RERE: variants seen among roughly 807,000 people sequenced by gnomAD.
RERE encodes arginine-glutamic acid dipeptide repeats protein.
A neutral mutation model predicts 146.1 loss-of-function variants in RERE; 40 were observed. That is an observed-to-expected ratio of 0.27 (90% CI 0.21 to 0.36). The LOEUF (loss-of-function observed/expected upper bound fraction) is 0.36. Among genes scored for constraint, RERE ranks in the 10% least tolerant of loss-of-function variants. The pLI, the probability that RERE is intolerant of heterozygous loss-of-function variation, is 1.00. For missense variants in RERE, 1,933 were observed against 2,138.7 expected, an observed-to-expected ratio of 0.90 and a Z score of 1.90; for synonymous variants, 1,003 against 866.0, an observed-to-expected ratio of 1.16 and a Z score of -2.78.
rs1361000101 is a variant in RERE at position 8,360,127 on chromosome 1, G to A, written c.3380C>T (p.Ala1127Val). The stretch of plus-strand genomic sequence containing the variant: ...GGAAGCGTACCTAGCTGACTGGCTG[G>A]CGTGACTGGGGGTGTCCACCACAGT... ...EPTVVDTPSH[A>V]SQSARFYKHL... Residue 1127 changes from alanine (A) to valine (V), a missense_variant, in exon 18 of 23, where the codon GCC becomes GTC. Ala to Val is a moderately conservative substitution (Grantham distance 64). Coordinates refer to ENST00000400908, the MANE Select transcript of RERE (RefSeq NM_001042681.2). The A allele has an allele frequency of 6.3e-7, 1 of 1,582,290 alleles. No individual in the cohort carries two copies. Among genetic ancestry groups the A allele is most frequent in the African/African-American group, 1.3e-5 (1 of 74,334 alleles).
intron 7 of RERE, among the ~76,000 whole-genome samples, chr1:8,530,679 C>CGTTTTCT (rs1374845884): frequency 1.0e-5 from 1 of 96,950 alleles, no homozygotes; most frequent in African/African-American, 4.0e-5. Flanking sequence ...TTTTCGTTTT[C>CGTTTTCT]TTTTTTTTTT....
intron 2 of RERE, among the ~76,000 whole-genome samples, chr1:8,638,879 T>C (rs905882544): frequency 6.7e-6 from 1 of 149,802 alleles, no homozygotes; most frequent in African/African-American, 2.5e-5. Context: ...GTTCATGCCA[T>C]TCTCTTGCCT....
intron 1 of RERE, among the ~76,000 whole-genome samples, chr1:8,766,436 A>T (rs1395816851): frequency 2.6e-5 from 4 of 151,240 alleles, no homozygotes; most frequent in Non-Finnish European, 5.9e-5. Flanking sequence ...GCTACTCAGG[A>T]GGCTGACGTG....
chr1:8,792,834 A>G (rs1450667475), intron 1 of RERE, among the ~76,000 whole-genome samples: 1 of 152,114 alleles, frequency 6.6e-6, no homozygotes, highest in Admixed American at 6.6e-5. Context: ...AGGTTTAAAG[A>G]AGCTGTGAGG....
intron 1 of RERE, among the ~76,000 whole-genome samples, chr1:8,747,103 G>A (rs1267472617): frequency 1.3e-5 from 2 of 151,930 alleles, no homozygotes; most frequent in African/African-American, 4.8e-5. Flanking sequence ...CCGGGTCCAC[G>A]CCATTCTCCT....
At chr1:8,586,732 T>C (rs1190018035) in intron 4 of RERE, among the ~76,000 whole-genome samples, 2 of 152,152 alleles carry the variant, frequency 1.3e-5, no homozygotes, top group African/African-American at 4.8e-5. Flanking sequence ...AAACATTCCA[T>C]AATTATGTGG....
intron 12 of RERE, among the ~76,000 whole-genome samples, chr1:8,379,926 T>C (rs1024081319): frequency 6.6e-6 from 1 of 152,184 alleles, no homozygotes; most frequent in Non-Finnish European, 1.5e-5. Context: ...GCAGCACGTA[T>C]GCCACAAACT....
intron 7 of RERE, among the ~76,000 whole-genome samples, chr1:8,514,784 A>C (rs542004656): frequency 6.6e-6 from 1 of 152,200 alleles, no homozygotes; most frequent in Admixed American, 6.5e-5. Flanking sequence ...AAAAGAAAAG[A>C]GAAATAATAA....
intron 1 of RERE, among the ~76,000 whole-genome samples, chr1:8,782,800 G>A (rs1419693695): frequency 6.6e-6 from 1 of 152,142 alleles, no homozygotes; most frequent in Non-Finnish European, 1.5e-5. Context: ...CAGCTACTCA[G>A]GAGGCCGAGG....
At chr1:8,445,498 T>A (rs563445131) in intron 11 of RERE, among the ~76,000 whole-genome samples, 20 of 152,282 alleles carry the variant, frequency 1.3e-4, no homozygotes, top group African/African-American at 4.8e-4. Flanking sequence ...TGGACTCTTT[T>A]TTACTTATTT....
At position 8,366,021 on chromosome 1, in the gene RERE, C is replaced by A. The variant is rs758661699; in HGVS notation, c.1285-47G>T. ...TGTGGGGGAGGGCCTGGGGCTTTTC[C>A]GTGCCCCACGCACCCTCTCTGCCAC... On this transcript the variant is annotated intron_variant, in intron 12 of 22. Transcript: ENST00000400908. 4 of 1,582,636 alleles carry A rather than the reference C, an allele frequency of 2.5e-6. No homozygotes were observed. The Admixed American group carries it at 6.8e-5, about 27-fold the overall frequency.
At chr1:8,358,102 A>G in intron 20 of RERE, 94 bp downstream of exon 20, 1 of 1,507,736 alleles carries the variant, frequency 6.6e-7, no homozygotes, top group Non-Finnish European at 8.9e-7. Flanking sequence ...TGTTCAGAAA[A>G]GAACAGTTTC....
intron 6 of RERE, among the ~76,000 whole-genome samples, chr1:8,552,177 C>T (rs888073340): frequency 6.6e-6 from 1 of 152,200 alleles, no homozygotes; most frequent in Non-Finnish European, 1.5e-5. Context: ...TACAAAGAAA[C>T]TACAGGGCAT....
At chr1:8,621,728 A>G (rs1646917867) in intron 3 of RERE, among the ~76,000 whole-genome samples, 1 of 152,114 alleles carries the variant, frequency 6.6e-6, no homozygotes, top group African/African-American at 2.4e-5. Flanking sequence ...ATTTGCTGGG[A>G]GCAAAATCAA....
At chr1:8,654,023 A>G (rs1188953519) in intron 2 of RERE, among the ~76,000 whole-genome samples, 2 of 146,926 alleles carry the variant, frequency 1.4e-5, no homozygotes, top group African/African-American at 2.5e-5. Flanking sequence ...AAGTTCTAGC[A>G]CTGACTTTTT....
At chr1:8,687,139 C>T (rs1454449697) in intron 1 of RERE, among the ~76,000 whole-genome samples, 1 of 152,134 alleles carries the variant, frequency 6.6e-6, no homozygotes, top group African/African-American at 2.4e-5. Context: ...TGGAGAAAAG[C>T]GGCATGTTTG....
At chr1:8,667,176 A>G (rs1254243962) in intron 1 of RERE, among the ~76,000 whole-genome samples, 5 of 152,226 alleles carry the variant, frequency 3.3e-5, no homozygotes, top group Admixed American at 2.6e-4. Context: ...TCTTCCAAAA[A>G]GACATACTAA....
At chr1:8,805,627 C>A (rs1192462624) in intron 1 of RERE, among the ~76,000 whole-genome samples, 2 of 139,866 alleles carry the variant, frequency 1.4e-5, no homozygotes, top group Non-Finnish European at 3.0e-5. Flanking sequence ...CTACCCTGGG[C>A]GATAAGAGTG....
intron 4 of RERE, among the ~76,000 whole-genome samples, chr1:8,603,687 T>A (rs1646661496): frequency 6.6e-6 from 1 of 152,076 alleles, no homozygotes; most frequent in Non-Finnish European, 1.5e-5. Context: ...CAAAAACTAT[T>A]TTTGAAGTAA....
Sources: gnomAD v4.1 joint callset for allele counts (sites outside exome capture counted in the v4.1 genomes callset) on GRCh38, gnomAD v4.1.1 for gene constraint, MANE v1.5 for transcripts, NCBI Gene and HGNC (gene_info 2026-07-23, HGNC 2026-07-21) for gene names.